SPDL1: variants seen among roughly 807,000 people sequenced by gnomAD.
SPDL1 encodes protein Spindly.
SPDL1 carries 85 observed loss-of-function variants against 79.5 expected under a neutral mutation model. The ratio of observed to expected loss-of-function variants is 1.07; its 90% CI spans 0.90 to 1.28. The LOEUF is 1.28. SPDL1 is among the 50% of genes most tolerant of loss of function. The probability of loss-of-function intolerance (pLI) is 0.00; values close to 1 mark genes in which losing one functional copy is unlikely to be tolerated. For missense variants in SPDL1, 703 were observed against 697.8 expected (o/e 1.01, Z -0.08); for synonymous variants, 269 against 240.3 (o/e 1.12, Z -1.10).
Position 169,604,222 on chromosome 5 carries a change from TAAG to T in SPDL1, c.*17_*19del, listed in dbSNP as rs1374903120. 3.2e-6 allele frequency: 5 copies of T among 1,550,102 alleles called. No individual in the cohort carries two copies. The African/African-American group carries it at 7.0e-5, about 22-fold the overall frequency. On this transcript the variant is annotated 3_prime_UTR_variant, in exon 12 of 12. Transcript: ENST00000265295. Reference sequence around the variant, plus strand: ...CTCAACAGTAAAGACTTGTCTTTAATAAGAGTACGGTGCCACTTGCCTCAAAAG... The same window carrying T: ...CTCAACAGTAAAGACTTGTCTTTAATAGTACGGTGCCACTTGCCTCAAAAG...
At chr5:169,592,162 T>C (rs916018720) in intron 3 of SPDL1, among the ~76,000 whole-genome samples, 2 of 151,880 alleles carry the variant, frequency 1.3e-5, no homozygotes, top group Admixed American at 1.3e-4. Flanking sequence ...TCATTGACTC[T>C]CTTTTAATGT....
intron 10 of SPDL1, among the ~76,000 whole-genome samples, chr5:169,599,639 C>T (rs968169823): frequency 6.6e-6 from 1 of 152,148 alleles, no homozygotes; most frequent in African/African-American, 2.4e-5. Flanking sequence ...AAGATTCAGG[C>T]TTCTTGTGTT....
chr5:169,591,015 A>G lies in SPDL1; in HGVS notation c.160-33A>G, dbSNP rs772919667. ...TATGTAATGGCTTTAGGCTATTTTTATGTAATTGAATTGTAATTGAATCTG... is the reference window on the plus strand; with the variant it reads ...TATGTAATGGCTTTAGGCTATTTTTGTGTAATTGAATTGTAATTGAATCTG... On this transcript the variant is annotated intron_variant, in intron 2 of 11. Coordinates refer to ENST00000265295, the MANE Select transcript of SPDL1 (RefSeq NM_017785.5). The G allele has an allele frequency of 2.6e-6, 4 of 1,556,058 alleles. No homozygotes were observed. In the South Asian group the frequency reaches 3.4e-5, roughly 13 times the overall value.
intron 2 of SPDL1, among the ~76,000 whole-genome samples, chr5:169,589,195 A>ACTAGACTAG (rs1303287626): frequency 2.6e-5 from 4 of 152,192 alleles, no homozygotes; most frequent in African/African-American, 4.8e-5. Context: ...AGTTCTAAGA[A>ACTAGACTAG]CTAGACTACA....
At position 169,593,478 on chromosome 5, in the gene SPDL1, G is replaced by A. The variant is rs147518536; in HGVS notation, c.461G>A (p.Arg154His). The A allele has an allele frequency of 3.1e-6, 5 of 1,613,972 alleles. No individual in the cohort carries two copies. The highest frequency in any genetic ancestry group is 2.2e-5 in the South Asian group (2 of 91,076). ...KSEELRVMSE[R>H]VQESMSSEML... is the part of the protein sequence containing the mutation. ...GAGGAACTGCGCGTAATGTCTGAAC[G>A]TGTGCAGGAAAGCATGTCTTCAGAG... Residue 154 changes from arginine to histidine, a missense_variant, in exon 4 of 12, where the codon CGT (arginine) becomes CAT (histidine). Physicochemically the swap from Arg to His is conservative, Grantham distance 29. Transcript: ENST00000265295.
chr5:169,599,252 T>C, intron 10 of SPDL1, 93 bp downstream of exon 10: 1 of 1,043,978 alleles, frequency 9.6e-7, no homozygotes, highest in Non-Finnish European at 1.3e-6. Flanking sequence ...TGCAACTCTA[T>C]TACAAACTCA....
intron 11 of SPDL1, among the ~76,000 whole-genome samples, chr5:169,602,541 A>G (rs540913308): frequency 4.6e-5 from 7 of 152,336 alleles, no homozygotes; most frequent in African/African-American, 1.7e-4. Flanking sequence ...AGACAGATTA[A>G]TAAGACATTT....
chr5:169,594,165 G>A lies in SPDL1; in HGVS notation c.552G>A (p.Val184=), dbSNP rs370986996. ...ESMKTTLKEE[V]NELQYRQEQL... ...AATAGACCACCCTCAAAGAAGAAGT[G>A]AATGAACTACAATACAGACAAGAAC... Residue 184 remains valine (V), a synonymous_variant, in exon 5 of 12, where the codon GTG becomes GTA. Coordinates refer to ENST00000265295, the MANE Select transcript of SPDL1 (RefSeq NM_017785.5). The A allele has an allele frequency of 1.2e-6, 2 of 1,606,072 alleles. No homozygotes were observed. The highest frequency in any genetic ancestry group is 8.5e-7 in the Non-Finnish European group (1 of 1,177,962).
At chr5:169,592,805 C>CTTTTTTTTTTTTTTTTTTTTTT (rs11301691) in intron 3 of SPDL1, among the ~76,000 whole-genome samples, 1 of 85,020 alleles carries the variant, frequency 1.2e-5, no homozygotes, top group Non-Finnish European at 2.3e-5. Context: ...ATAGAGATGG[C>CTTTTTTTTTTTTTTTTTTTTTT]TTTTTTTTTT....
intron 5 of SPDL1, 44 bp downstream of exon 5, chr5:169,594,338 C>G: frequency 1.2e-6 from 2 of 1,612,118 alleles, no homozygotes; most frequent in Non-Finnish European, 1.7e-6. Context: ...TTTATCATAA[C>G]TTATTTTCTT....
intron 8 of SPDL1, 94 bp from the exon 9 acceptor site, chr5:169,598,382 A>G: frequency 1.3e-6 from 1 of 786,638 alleles, no homozygotes; most frequent in Non-Finnish European, 2.2e-6. Flanking sequence ...GCCAAGGGAT[A>G]TAAATTCAGG....
intron 3 of SPDL1, 28 bp from the exon 4 acceptor site, chr5:169,593,326 T>C: frequency 6.5e-7 from 1 of 1,546,894 alleles, no homozygotes; most frequent in Admixed American, 2.1e-5. Flanking sequence ...TAACTTTCAA[T>C]TTATGACTTT....
rs767110843 is a variant in SPDL1 at position 169,591,059 on chromosome 5, A to G, written c.171A>G (p.Gln57=). 1.7e-4 allele frequency: 279 copies of G among 1,612,154 alleles called. No homozygotes were observed. The highest frequency in any genetic ancestry group is 5.9e-4 in the Admixed American group (35 of 59,594). ...GAATCTGTTTTCAGAGTTATGAACA[A>G]GAAAAATATACCCTTCAAAGAGAAG... The part of the protein sequence containing the change: ...EMMTMTESYE[Q]EKYTLQREVE... The change falls in exon 3 of 12, where the codon CAA becomes CAG. Residue 57 remains glutamine, a synonymous_variant. Transcript: ENST00000265295.
intron 8 of SPDL1, among the ~76,000 whole-genome samples, chr5:169,597,281 T>C (rs1462964774): frequency 6.6e-6 from 1 of 151,706 alleles, no homozygotes; most frequent in African/African-American, 2.4e-5. Context: ...AATTCACCCA[T>C]GTTTTCTAAA....
intron 11 of SPDL1, among the ~76,000 whole-genome samples, chr5:169,602,783 T>C (rs1756002459): frequency 1.3e-5 from 2 of 152,212 alleles, no homozygotes; most frequent in South Asian, 4.1e-4. Context: ...AAGCTTACCA[T>C]TCTTAAGGAA....
chr5:169,593,593 T>TC, intron 4 of SPDL1, 45 bp downstream of exon 4: 4 of 1,507,184 alleles, frequency 2.7e-6, no homozygotes, highest in Non-Finnish European at 3.6e-6. Context: ...TCTTTTTTTT[T>TC]CTGGCATATT....
chr5:169,596,462 A>G (rs1755583588), intron 7 of SPDL1, 99 bp from the exon 8 acceptor site: 5 of 1,048,596 alleles, frequency 4.8e-6, no homozygotes, highest in Middle Eastern at 2.1e-4. Context: ...AAATGAGTTC[A>G]AAGTAATATA....
chr5:169,598,253 T>G (rs1453437870), intron 8 of SPDL1, among the ~76,000 whole-genome samples: 2 of 152,132 alleles, frequency 1.3e-5, no homozygotes, highest in African/African-American at 2.4e-5. Flanking sequence ...AGGTTCTCTC[T>G]TCTTGGTTTA....
chr5:169,586,936 T>G (rs774474719), intron 1 of SPDL1, among the ~76,000 whole-genome samples: 1 of 152,208 alleles, frequency 6.6e-6, no homozygotes, highest in Non-Finnish European at 1.5e-5. Flanking sequence ...AAAGTCCTTA[T>G]AATGGCCTGA....
Sources: gnomAD v4.1 joint callset for allele counts (sites outside exome capture counted in the v4.1 genomes callset) on GRCh38, gnomAD v4.1.1 for gene constraint, MANE v1.5 for transcripts, NCBI Gene and HGNC (gene_info 2026-07-23, HGNC 2026-07-21) for gene names.